GPC3: variants seen among roughly 807,000 people sequenced by gnomAD.
The protein encoded by GPC3 is glypican 3, also known as glypican-3.
Under a neutral mutation model 34.4 loss-of-function variants are expected in GPC3, and 3 were observed. The ratio of observed to expected loss-of-function variants is 0.09; its 90% CI spans 0.04 to 0.23. GPC3 has a LOEUF of 0.23. GPC3 is among the 10% of genes least tolerant of loss of function. GPC3 has a pLI of 1.00. For synonymous variants in GPC3, 177 were observed against 174.0 expected (o/e 1.02, Z -0.13); for missense variants, 351 against 445.6 (o/e 0.79, Z 1.91).
At chrX:133,584,136 T>C (rs2069760639) in intron 7 of GPC3, among the ~76,000 whole-genome samples, 1 of 112,403 alleles carries the variant, frequency 8.9e-6, no homozygotes, top group Non-Finnish European at 1.9e-5. Flanking sequence ...TTGAGGAAGC[T>C]AGTTTAAGAT....
intron 5 of GPC3, 61 bp downstream of exon 5, chrX:133,692,307 TA>T: frequency 9.0e-7 from 1 of 1,108,486 alleles, no homozygotes; most frequent in African/African-American, 1.8e-5. Context: ...AATTAACTTT[TA>T]TATAAACATA....
intron 5 of GPC3, among the ~76,000 whole-genome samples, chrX:133,674,037 C>A (rs2070857927): frequency 2.7e-5 from 3 of 110,500 alleles, no homozygotes; most frequent in African/African-American, 9.9e-5. Flanking sequence ...CCAGCCTGGG[C>A]AACATAGGGA....
At chrX:133,716,199 G>A (rs192315234) in intron 3 of GPC3, among the ~76,000 whole-genome samples, 219 of 111,675 alleles carry the variant, frequency 2.0e-3, no homozygotes, top group African/African-American at 6.8e-3. Flanking sequence ...GGGAGAATCT[G>A]ATTTCCAGAG....
intron 2 of GPC3, among the ~76,000 whole-genome samples, chrX:133,843,557 C>A (rs904073177): frequency 9.0e-6 from 1 of 111,446 alleles, no homozygotes; most frequent in African/African-American, 3.3e-5. Context: ...ATTGCCCAGT[C>A]TTAGATAATT....
At chrX:133,677,792 A>G (rs2070899373) in intron 5 of GPC3, among the ~76,000 whole-genome samples, 1 of 111,612 alleles carries the variant, frequency 9.0e-6, no homozygotes, top group African/African-American at 3.3e-5. Context: ...ATGAGAGCAG[A>G]GAAGCATGGT....
intron 2 of GPC3, among the ~76,000 whole-genome samples, chrX:133,895,469 T>C (rs1360785076): frequency 1.8e-5 from 2 of 111,532 alleles, no homozygotes; most frequent in Non-Finnish European, 3.8e-5. Context: ...CCTCATAGAA[T>C]GCGATTCTGA....
chrX:133,671,324 A>G, intron 5 of GPC3: 4 of 737,991 alleles, frequency 5.4e-6, no homozygotes, highest in Non-Finnish European at 8.6e-6. Context: ...CAAGAACCCA[A>G]TAAAGAAAGT....
At chrX:133,544,720 C>T (rs944375283) in intron 7 of GPC3, among the ~76,000 whole-genome samples, 13 of 111,525 alleles carry the variant, frequency 1.2e-4, no homozygotes, top group Non-Finnish European at 2.4e-4. Context: ...TTTGTAGAGA[C>T]AGGGTCTTGC....
At chrX:133,555,486 C>G (rs1396971732) in intron 7 of GPC3, among the ~76,000 whole-genome samples, 1 of 111,868 alleles carries the variant, frequency 8.9e-6, no homozygotes, top group Non-Finnish European at 1.9e-5. Context: ...GATCTAACTG[C>G]CCACTGGCCA....
intron 2 of GPC3, among the ~76,000 whole-genome samples, chrX:133,939,131 A>G (rs2076334337): frequency 9.0e-6 from 1 of 111,647 alleles, no homozygotes; most frequent in South Asian, 3.8e-4. Context: ...TCTCATGTAC[A>G]TCCTACTAGC....
At chrX:133,589,985 G>GCTTT (rs745435470) in intron 7 of GPC3, among the ~76,000 whole-genome samples, 29 of 111,158 alleles carry the variant, frequency 2.6e-4, no homozygotes, top group Non-Finnish European at 5.1e-4. Flanking sequence ...AAGAGGTGGG[G>GCTTT]CTTTTAGGAG....
At chrX:133,794,275 AATCAAGAGAAAAGGAAATAAGCTGAGAGC>A (rs2075565490) in intron 2 of GPC3, among the ~76,000 whole-genome samples, 2 of 111,680 alleles carry the variant, frequency 1.8e-5, no homozygotes, top group Non-Finnish European at 3.8e-5. Flanking sequence ...TTTAGTTTTT[AATCAAGAGAAAAGGAAATAAGCTGAGAGC>A]AATAAAACAC....
At chrX:133,779,313 C>T (rs2072020814) in intron 2 of GPC3, among the ~76,000 whole-genome samples, 1 of 112,413 alleles carries the variant, frequency 8.9e-6, no homozygotes, top group Non-Finnish European at 1.9e-5. Flanking sequence ...TGCTTATGTA[C>T]TTTTTATGTT....
At chrX:133,680,192 G>C (rs1348127621) in intron 5 of GPC3, among the ~76,000 whole-genome samples, 1 of 111,519 alleles carries the variant, frequency 9.0e-6, no homozygotes, top group Non-Finnish European at 1.9e-5. Flanking sequence ...CCTTGTCTTA[G>C]TGCTCCCTAA....
rs978559926 is a variant in GPC3, at chrX:133,555,193, C to T, written c.1574-18900G>A. Among the ~76,000 whole-genome samples the T allele has an allele frequency of 3.3e-4, 37 of 112,698 alleles. 1 individual carries two copies. Among genetic ancestry groups the T allele is most frequent in the Admixed American group, 3.1e-3 (33 of 10,709 alleles). On this transcript the variant is annotated intron_variant, in intron 7 of 7. Transcript: ENST00000370818. Reference sequence around the variant, plus strand: ...GCTTCCAAGTAGCTGGAACTATGGGCGCATGCCACCTGGCCAGGCTGGCCA... The same window carrying T: ...GCTTCCAAGTAGCTGGAACTATGGGTGCATGCCACCTGGCCAGGCTGGCCA...
chrX:133,730,014 C>A (rs1403487029), intron 3 of GPC3, among the ~76,000 whole-genome samples: 1 of 111,986 alleles, frequency 8.9e-6, no homozygotes, highest in Non-Finnish European at 1.9e-5. Flanking sequence ...TACAGTGATG[C>A]TCTAACAAGG....
intron 7 of GPC3, among the ~76,000 whole-genome samples, chrX:133,596,184 A>G (rs2069912560): frequency 8.9e-6 from 1 of 111,797 alleles, no homozygotes; most frequent in Admixed American, 9.5e-5. Context: ...CCAACTGATT[A>G]GGTCAGTTCA....
intron 3 of GPC3, among the ~76,000 whole-genome samples, chrX:133,745,930 T>C (rs1569424755): frequency 8.9e-6 from 1 of 112,206 alleles, no homozygotes; most frequent in East Asian, 2.8e-4. Flanking sequence ...AGAGATGATG[T>C]TTCCCTTTAG....
chrX:133,817,389 A>G (rs1430906707), intron 2 of GPC3, among the ~76,000 whole-genome samples: 3 of 112,406 alleles, frequency 2.7e-5, no homozygotes, highest in East Asian at 2.8e-4. Flanking sequence ...TAAGGGGTAC[A>G]GCTTTTTTAG....
Sources: gnomAD v4.1 joint callset for allele counts (sites outside exome capture counted in the v4.1 genomes callset) on GRCh38, gnomAD v4.1.1 for gene constraint, MANE v1.5 for transcripts, NCBI Gene and HGNC (gene_info 2026-07-23, HGNC 2026-07-21) for gene names.